The following OPCML variants were observed in gnomAD, a reference collection of about 807,000 sequenced individuals.
The protein encoded by OPCML is opioid-binding protein/cell adhesion molecule.
In OPCML, 13 loss-of-function variants were observed where a neutral mutation model predicts 37.8. That is an observed-to-expected ratio of 0.34 (90% CI 0.22 to 0.55). The LOEUF is 0.55. Ranked by LOEUF, OPCML falls within the 20% of genes least tolerant of loss-of-function variation. The pLI, the probability that OPCML is intolerant of heterozygous loss-of-function variation, is 0.91. For missense variants in OPCML, 341 were observed against 435.6 expected (o/e 0.78, Z 1.93); for synonymous variants, 176 against 168.8 (o/e 1.04, Z -0.33).
chr11:132,818,803 G>A, intron 2 of OPCML, among the ~76,000 whole-genome samples: 1 of 149,874 alleles, frequency 6.7e-6, no homozygotes, highest in East Asian at 1.9e-4. Context: ...GGGAGGCATA[G>A]CATTAGGAGA....
At chr11:133,024,253 G>T in intron 1 of OPCML, 1 of 690,954 alleles carries the variant, frequency 1.4e-6, no homozygotes, top group Non-Finnish European at 1.8e-6. Context: ...GGGCTGGGGT[G>T]AGAAGCGAAG....
At chr11:132,911,388 C>G (rs781602472) in intron 2 of OPCML, among the ~76,000 whole-genome samples, 1 of 152,182 alleles carries the variant, frequency 6.6e-6, no homozygotes, top group East Asian at 1.9e-4. Flanking sequence ...GAAAGAGACA[C>G]GACAGAAGGA....
chr11:133,443,034 A>G (rs1946396519), intron 1 of OPCML, among the ~76,000 whole-genome samples: 1 of 152,180 alleles, frequency 6.6e-6, no homozygotes, highest in Admixed American at 6.5e-5. Context: ...AAACAATAAT[A>G]ATAAAAGAAA....
chr11:132,812,956 G>T (rs1413649110), intron 2 of OPCML, among the ~76,000 whole-genome samples: 1 of 152,146 alleles, frequency 6.6e-6, no homozygotes, highest in Non-Finnish European at 1.5e-5. Flanking sequence ...CTTGAGGTTT[G>T]TACAGCTATG....
intron 1 of OPCML, among the ~76,000 whole-genome samples, chr11:133,225,380 G>C (rs139201732): frequency 2.0e-5 from 3 of 152,244 alleles, no homozygotes; most frequent in Non-Finnish European, 4.4e-5. Flanking sequence ...TCCAAACATT[G>C]GCACCTCTGC....
chr11:132,922,435 T>C (rs544429982), intron 2 of OPCML, among the ~76,000 whole-genome samples: 1 of 152,116 alleles, frequency 6.6e-6, no homozygotes, highest in South Asian at 2.1e-4. Flanking sequence ...TTCCACCCTG[T>C]GCAAACAGAG....
At chr11:132,986,860 C>T (rs1398207764) in intron 1 of OPCML, among the ~76,000 whole-genome samples, 1 of 152,120 alleles carries the variant, frequency 6.6e-6, no homozygotes, top group Non-Finnish European at 1.5e-5. Flanking sequence ...TTAAGCATAT[C>T]TACAGAAGAT....
At chr11:132,614,381 C>T (rs780687962) in intron 3 of OPCML, among the ~76,000 whole-genome samples, 2 of 152,164 alleles carry the variant, frequency 1.3e-5, no homozygotes, top group Admixed American at 6.5e-5. Context: ...GCCAACTCTT[C>T]GTTTAATAAC....
chr11:132,631,670 C>T (rs1309796652), intron 3 of OPCML, among the ~76,000 whole-genome samples: 6 of 151,298 alleles, frequency 4.0e-5, no homozygotes, highest in Middle Eastern at 6.8e-3. Context: ...TTTTAAACCA[C>T]GACAAGAAAC....
intron 1 of OPCML, among the ~76,000 whole-genome samples, chr11:133,451,893 G>C (rs900532999): frequency 2.0e-5 from 3 of 151,190 alleles, no homozygotes; most frequent in Admixed American, 6.6e-5. Flanking sequence ...TGCCTCCTCT[G>C]CAGGGAAGAC....
At chr11:132,547,447 G>C (rs1591534172) in intron 3 of OPCML, among the ~76,000 whole-genome samples, 1 of 152,172 alleles carries the variant, frequency 6.6e-6, no homozygotes, top group African/African-American at 2.4e-5. Flanking sequence ...GCAAGTTAAA[G>C]TAGGAGGAGA....
chr11:132,951,936 A>G (rs1945869034), intron 1 of OPCML, among the ~76,000 whole-genome samples: 1 of 152,240 alleles, frequency 6.6e-6, no homozygotes, highest in African/African-American at 2.4e-5. Flanking sequence ...CTACTGGGGA[A>G]TCTGGGATCA....
intron 2 of OPCML, among the ~76,000 whole-genome samples, chr11:132,676,321 G>A (rs1170019896): frequency 1.3e-5 from 2 of 152,018 alleles, no homozygotes; most frequent in Non-Finnish European, 2.9e-5. Flanking sequence ...AAAGGTAAAA[G>A]TTACAACTCT....
At chr11:133,034,472 G>C (rs747530774) in intron 1 of OPCML, among the ~76,000 whole-genome samples, 1 of 152,152 alleles carries the variant, frequency 6.6e-6, no homozygotes, top group Non-Finnish European at 1.5e-5. Context: ...AAATGTAAAG[G>C]TTTATTCATA....
intron 1 of OPCML, among the ~76,000 whole-genome samples, chr11:133,359,743 G>C (rs1389879245): frequency 1.3e-5 from 2 of 152,178 alleles, no homozygotes; most frequent in South Asian, 2.1e-4. Context: ...ACATTTAACT[G>C]TAAGCTCATT....
chr11:133,300,273 G>A (rs1317443523), intron 1 of OPCML: 1 of 152,172 alleles, frequency 6.6e-6, no homozygotes, highest in African/African-American at 2.4e-5. Flanking sequence ...TTGGAATGAG[G>A]AAAAACCAGC....
At chr11:132,970,716 C>T (rs1025161952) in intron 1 of OPCML, among the ~76,000 whole-genome samples, 9 of 152,134 alleles carry the variant, frequency 5.9e-5, no homozygotes, top group African/African-American at 2.2e-4. Flanking sequence ...TATGTTGCTT[C>T]TCCTACTCAT....
chr11:133,460,231 G>A (rs1946827552), intron 1 of OPCML, among the ~76,000 whole-genome samples: 1 of 151,840 alleles, frequency 6.6e-6, no homozygotes, highest in Non-Finnish European at 1.5e-5. Flanking sequence ...AGAGCTAAGA[G>A]GAAAATTTAT....
rs374168096 is a variant in OPCML at position 133,271,027 on chromosome 11, G to A, written c.61+261237C>T. ...TGCACCAATTCGACATTTATGCTGA[G>A]GCTGATGAGGAAGGTTACGCTGATC... On this transcript the variant is annotated intron_variant, in intron 1 of 7. Transcript: ENST00000524381. 1.5e-4 allele frequency among the ~76,000 whole-genome samples: 23 copies of A among 152,238 alleles called. No homozygotes were observed. The East Asian group carries it at 4.1e-3, about 27-fold the overall frequency.
Sources: allele counts gnomAD v4.1 joint callset (sites outside exome capture counted in the v4.1 genomes callset), GRCh38; gene constraint gnomAD v4.1.1; transcripts MANE v1.5; gene names NCBI Gene and HGNC (gene_info 2026-07-23, HGNC 2026-07-21).